IGSF10: variants seen among roughly 807,000 people sequenced by gnomAD.
IGSF10 encodes the protein calvaria mechanical force protein 608.
A neutral mutation model predicts 128.2 loss-of-function variants in IGSF10; 126 were observed. The ratio of observed to expected loss-of-function variants is 0.98; its 90% CI spans 0.85 to 1.14. The LOEUF (loss-of-function observed/expected upper bound fraction) is 1.14. IGSF10 is among the 50% of genes most tolerant of loss of function. The probability of loss-of-function intolerance (pLI) is 0.00; values close to 1 mark genes in which losing one functional copy is unlikely to be tolerated. For synonymous variants in IGSF10, 1,185 were observed against 1,146.2 expected, an observed-to-expected ratio of 1.03 and a Z score of -0.68; for missense variants, 3,295 against 3,149.8, an observed-to-expected ratio of 1.05 and a Z score of -1.10.
chr3:151,592,507 T>G, the IGSF10 span, among the ~76,000 whole-genome samples: 3 of 152,294 alleles, frequency 2.0e-5, no homozygotes, highest in Non-Finnish European at 1.5e-5. Flanking sequence ...ATAGCTATTA[T>G]GCACTTGGTA....
At chr3:151,513,734 C>T in the IGSF10 span, among the ~76,000 whole-genome samples, 1 of 152,254 alleles carries the variant, frequency 6.6e-6, no homozygotes, top group South Asian at 2.1e-4. Flanking sequence ...ATTGTCTCAG[C>T]CCAAAATCTC....
the IGSF10 span, among the ~76,000 whole-genome samples, chr3:151,507,318 TG>T: frequency 1.3e-5 from 2 of 152,276 alleles, no homozygotes; most frequent in East Asian, 3.9e-4. Flanking sequence ...CTAGAATTAC[TG>T]GGGGAAGACA....
At chr3:151,534,640 A>G in the IGSF10 span, among the ~76,000 whole-genome samples, 1 of 115,252 alleles carries the variant, frequency 8.7e-6, no homozygotes, top group Non-Finnish European at 1.8e-5. Flanking sequence ...GTCATCACAC[A>G]CTGGGGCCTG....
chr3:151,510,644 C>A, the IGSF10 span, among the ~76,000 whole-genome samples: 1 of 152,172 alleles, frequency 6.6e-6, no homozygotes, highest in Middle Eastern at 3.4e-3. Flanking sequence ...GAAAGGAAGG[C>A]TTCAGAAGAT....
At chr3:151,570,665 T>C in the IGSF10 span, among the ~76,000 whole-genome samples, 2 of 152,212 alleles carry the variant, frequency 1.3e-5, no homozygotes, top group African/African-American at 4.8e-5. Context: ...TTGCAAAAAT[T>C]TTCTCCCATT....
At chr3:151,510,403 G>A in the IGSF10 span, among the ~76,000 whole-genome samples, 1 of 152,268 alleles carries the variant, frequency 6.6e-6, no homozygotes, top group Non-Finnish European at 1.5e-5. Context: ...GCAGTCTGTT[G>A]GTCCTGACTG....
At chr3:151,570,171 T>C in the IGSF10 span, among the ~76,000 whole-genome samples, 7 of 152,222 alleles carry the variant, frequency 4.6e-5, no homozygotes, top group African/African-American at 1.7e-4. Context: ...TCTTTGCTAT[T>C]GTGAATAGTG....
the IGSF10 span, among the ~76,000 whole-genome samples, chr3:151,586,303 A>C: frequency 6.6e-6 from 1 of 152,188 alleles, no homozygotes; most frequent in Non-Finnish European, 1.5e-5. Flanking sequence ...ATGATGCCAA[A>C]AAATTAGCTT....
chr3:151,545,369 T>G, the IGSF10 span, among the ~76,000 whole-genome samples: 1 of 152,248 alleles, frequency 6.6e-6, no homozygotes, highest in Non-Finnish European at 1.5e-5. Flanking sequence ...TAGGAGATAC[T>G]AAGAGATTTT....
At chr3:151,460,579 G>A (rs567899316) in intron 1 of IGSF10, among the ~76,000 whole-genome samples, 4 of 152,304 alleles carry the variant, frequency 2.6e-5, no homozygotes, top group African/African-American at 9.6e-5. Flanking sequence ...CCTCAGTAGT[G>A]TACTTAATAC....
At chr3:151,501,797 C>T in the IGSF10 span, among the ~76,000 whole-genome samples, 1 of 152,096 alleles carries the variant, frequency 6.6e-6, no homozygotes, top group Non-Finnish European at 1.5e-5. Flanking sequence ...CACAAACATG[C>T]TTCCTTGACC....
chr3:151,524,999 C>A, the IGSF10 span, among the ~76,000 whole-genome samples: 5 of 101,770 alleles, frequency 4.9e-5, no homozygotes, highest in South Asian at 3.9e-4. Context: ...AAATGCATTA[C>A]ACCTTTTTTT....
At chr3:151,450,895 CAAA>C (rs35070766) in intron 5 of IGSF10, among the ~76,000 whole-genome samples, 5 of 55,422 alleles carry the variant, frequency 9.0e-5, no homozygotes, top group African/African-American at 4.0e-4. Context: ...AACTCTGTCT[CAAA>C]AAAAAAAAAA....
intron 4 of IGSF10, among the ~76,000 whole-genome samples, chr3:151,456,816 G>A (rs893881564): frequency 2.6e-5 from 4 of 152,134 alleles, no homozygotes; most frequent in Admixed American, 6.5e-5. Flanking sequence ...TTAGCTTGAG[G>A]TAGTAGAAAA....
the IGSF10 span, among the ~76,000 whole-genome samples, chr3:151,478,755 A>T: frequency 6.6e-6 from 1 of 152,230 alleles, no homozygotes; most frequent in Admixed American, 6.5e-5. Context: ...AAAAGATAAA[A>T]GCACACACAA....
the IGSF10 span, among the ~76,000 whole-genome samples, chr3:151,561,591 A>T: frequency 6.6e-6 from 1 of 152,178 alleles, no homozygotes; most frequent in African/African-American, 2.4e-5. Flanking sequence ...CTATGTAATG[A>T]AATAAAATGT....
At chr3:151,465,709 T>C (rs1158147247), upstream of IGSF10, among the ~76,000 whole-genome samples, 1 of 152,336 alleles carries the variant, frequency 6.6e-6, no homozygotes, top group African/African-American at 2.4e-5. Flanking sequence ...TAATTTCTTA[T>C]GACATCTGTC....
chr3:151,527,964 T>C, the IGSF10 span, among the ~76,000 whole-genome samples: 2 of 146,894 alleles, frequency 1.4e-5, no homozygotes, highest in South Asian at 2.2e-4. Context: ...AAGAAAAAAA[T>C]TGAAACCTGG....
chr3:151,584,729 T>A, the IGSF10 span, among the ~76,000 whole-genome samples: 1 of 152,216 alleles, frequency 6.6e-6, no homozygotes, highest in Admixed American at 6.5e-5. Context: ...ATGAAGTCAG[T>A]CCAACATTTT....
Sources: allele counts gnomAD v4.1 joint callset (sites outside exome capture counted in the v4.1 genomes callset), GRCh38; gene constraint gnomAD v4.1.1; transcripts MANE v1.5; gene names NCBI Gene and HGNC (gene_info 2026-07-23, HGNC 2026-07-21).